Variants in ATRN observed in about 807,000 individuals in gnomAD.
The protein encoded by ATRN is attractin-2.
Under a neutral mutation model 178.7 loss-of-function variants are expected in ATRN, and 54 were observed. That is an observed-to-expected ratio of 0.30 (90% CI 0.24 to 0.38). ATRN has a LOEUF of 0.38. Among genes scored for constraint, ATRN ranks in the 10% least tolerant of loss-of-function variants. ATRN has a pLI of 1.00. For synonymous variants in ATRN, 636 were observed against 663.0 expected (o/e 0.96, Z 0.63); for missense variants, 1,443 against 1,815.1 (o/e 0.79, Z 3.73).
intron 6 of ATRN, among the ~76,000 whole-genome samples, chr20:3,553,703 A>G (rs1037748611): frequency 6.6e-6 from 1 of 152,112 alleles, no homozygotes; most frequent in African/African-American, 2.4e-5. Context: ...GGTGTACATC[A>G]TTACCTTTAG....
chr20:3,551,281 C>T (rs2085782845), intron 6 of ATRN, among the ~76,000 whole-genome samples: 1 of 152,158 alleles, frequency 6.6e-6, no homozygotes, highest in African/African-American at 2.4e-5. Flanking sequence ...CCCCTCAGTA[C>T]TGGACGAAAT....
chr20:3,489,263 T>C (rs1276318354), intron 1 of ATRN, among the ~76,000 whole-genome samples: 2 of 152,294 alleles, frequency 1.3e-5, no homozygotes, highest in East Asian at 3.9e-4. Flanking sequence ...TATTTGATGT[T>C]TTTTATACTT....
At chr20:3,472,502 G>A (rs2084446155) in intron 1 of ATRN, among the ~76,000 whole-genome samples, 1 of 152,222 alleles carries the variant, frequency 6.6e-6, no homozygotes, top group African/African-American at 2.4e-5. Flanking sequence ...TAACATTCTA[G>A]TGGGAGCAAC....
intron 28 of ATRN, among the ~76,000 whole-genome samples, chr20:3,644,664 G>A (rs1013304424): frequency 2.6e-5 from 4 of 152,130 alleles, no homozygotes; most frequent in Non-Finnish European, 2.9e-5. Context: ...TTCTTCCTCA[G>A]TTGCCTTCTC....
chr20:3,485,911 C>T (rs996554305), intron 1 of ATRN, among the ~76,000 whole-genome samples: 1 of 152,000 alleles, frequency 6.6e-6, no homozygotes, highest in South Asian at 2.1e-4. Flanking sequence ...TAAGCCACCC[C>T]GCCCAGCCTG....
At chr20:3,494,758 C>T (rs2084855211) in intron 1 of ATRN, among the ~76,000 whole-genome samples, 1 of 152,116 alleles carries the variant, frequency 6.6e-6, no homozygotes, top group Admixed American at 6.6e-5. Context: ...ACAGCTTGGG[C>T]AGTTAGCAAC....
intron 11 of ATRN, 109 bp from the exon 12 acceptor site, chr20:3,572,622 G>C: frequency 1.1e-6 from 1 of 943,150 alleles, no homozygotes; most frequent in Non-Finnish European, 1.6e-6. Context: ...TTTGAGACTA[G>C]CCTGGGCAAC....
At chr20:3,545,697 G>A in intron 3 of ATRN, 65 bp from the exon 4 acceptor site, 24 of 1,567,324 alleles carry the variant, frequency 1.5e-5, no homozygotes, top group Non-Finnish European at 1.8e-5. Context: ...TTTAATTTCT[G>A]TCTGCTACAA....
intron 28 of ATRN, among the ~76,000 whole-genome samples, 190 bp from the exon 29 acceptor site, chr20:3,646,533 C>T (rs760545727): frequency 6.6e-6 from 1 of 152,052 alleles, no homozygotes; most frequent in African/African-American, 2.4e-5. Context: ...GAGGGGAAGG[C>T]GGAGGGAGGG....
chr20:3,568,538 T>C (rs2086071161), intron 11 of ATRN, among the ~76,000 whole-genome samples: 2 of 152,096 alleles, frequency 1.3e-5, no homozygotes, highest in Non-Finnish European at 2.9e-5. Context: ...CAGATAACAA[T>C]TTGTTTTCAT....
intron 18 of ATRN, among the ~76,000 whole-genome samples, chr20:3,588,067 G>A (rs1203516534): frequency 1.3e-5 from 2 of 152,058 alleles, no homozygotes; most frequent in African/African-American, 2.4e-5. Flanking sequence ...GGCTGGTCTT[G>A]AACTCCTGAG....
At chr20:3,528,958 G>A (rs565318437) in intron 1 of ATRN, among the ~76,000 whole-genome samples, 5 of 151,998 alleles carry the variant, frequency 3.3e-5, no homozygotes, top group Admixed American at 6.6e-5. Context: ...GACTACAGGC[G>A]CATACCACCA....
rs1387267890 is a variant in ATRN, at chr20:3,578,753, T to C, written c.2525T>C (p.Met842Thr). 3.1e-6 allele frequency: 5 copies of C among 1,612,892 alleles called. No homozygotes were observed. The highest frequency in any genetic ancestry group is 4.2e-6 in the Non-Finnish European group (5 of 1,179,686). Residue 842 changes from methionine to threonine, a missense_variant, in exon 15 of 29, where the codon ATG becomes ACG. By Grantham distance (81) the Met-to-Thr change is moderately conservative. Around this residue, in one of 4 missense-constraint regions of ATRN, gnomAD observed 212 missense variants for 330.7 expected, o/e 0.64. Coordinates refer to ENST00000262919, the MANE Select transcript of ATRN (RefSeq NM_139321.3). The part of the protein sequence containing the change: ...VEFVLKQLRI[M>T]QSSQSMSKLT... ...TTTGTCCTTAAGCAGCTGCGAATAA[T>C]GCAGTCATCTCAGAGCATGGTGAGT...
chr20:3,609,371 G>C (rs2086728496), intron 24 of ATRN, among the ~76,000 whole-genome samples: 1 of 152,104 alleles, frequency 6.6e-6, no homozygotes, highest in Admixed American at 6.5e-5. Context: ...TCTGATTTTT[G>C]TGTGTTGATT....
chr20:3,502,975 C>CT (rs1427761876), intron 1 of ATRN, among the ~76,000 whole-genome samples: 7 of 152,098 alleles, frequency 4.6e-5, no homozygotes, highest in Non-Finnish European at 8.8e-5. Context: ...GGGTTCAAAG[C>CT]TTGCCTTTTT....
chr20:3,620,770 C>A (rs912275477), intron 24 of ATRN, among the ~76,000 whole-genome samples: 1 of 152,168 alleles, frequency 6.6e-6, no homozygotes, highest in African/African-American at 2.4e-5. Context: ...ATTCATTCTT[C>A]TACAACAGTA....
At chr20:3,479,036 A>G (rs1169978435) in intron 1 of ATRN, among the ~76,000 whole-genome samples, 3 of 150,008 alleles carry the variant, frequency 2.0e-5, no homozygotes, top group Non-Finnish European at 4.4e-5. Context: ...GGCTGGGATC[A>G]CAGGCCAGTG....
chr20:3,648,934 G>A lies in ATRN; in HGVS notation c.*2087G>A, dbSNP rs2087126447. ...AAAGGACCAGTTTTCCTAGGCCAAA[G>A]AAGTCTCTTCCCCATGTTAGTCCTA... On this transcript the variant is annotated 3_prime_UTR_variant, in exon 29 of 29. Transcript: ENST00000262919. 6.6e-6 allele frequency: 1 copy of A among 152,168 alleles called. No individual in the cohort carries two copies. Among genetic ancestry groups the A allele is most frequent in the Non-Finnish European group, 1.5e-5 (1 of 68,052 alleles). The allele number at this position is 152,168 out of a possible 1,614,324, so 9.4% of individuals were successfully genotyped here.
intron 18 of ATRN, 97 bp downstream of exon 18, chr20:3,584,977 C>G (rs2086337759): frequency 1.7e-6 from 2 of 1,161,386 alleles, no homozygotes; most frequent in East Asian, 2.4e-5. Context: ...ACTCCCTGCC[C>G]TCAGCCCCTT....
Sources: gnomAD v4.1 joint callset for allele counts (sites outside exome capture counted in the v4.1 genomes callset) on GRCh38, gnomAD v4.1.1 for gene constraint, gnomAD v4.1.1 regional missense constraint, MANE v1.5 for transcripts, NCBI Gene and HGNC (gene_info 2026-07-23, HGNC 2026-07-21) for gene names.